The following TNRC6C variants were observed in gnomAD, a reference collection of about 807,000 sequenced individuals.
The protein encoded by TNRC6C is trinucleotide repeat containing adaptor 6C, also known as trinucleotide repeat-containing gene 6C protein.
TNRC6C carries 20 observed loss-of-function variants against 153.7 expected under a neutral mutation model. The observed-to-expected ratio is 0.13, with a 90% CI of 0.09 to 0.19. The LOEUF (loss-of-function observed/expected upper bound fraction) is 0.19, where lower values mean the gene tolerates loss of function less well. Ranked by LOEUF, TNRC6C falls within the 10% of genes least tolerant of loss-of-function variation. The probability of loss-of-function intolerance (pLI) is 1.00; values close to 1 mark genes in which losing one functional copy is unlikely to be tolerated. For synonymous variants in TNRC6C, 811 were observed against 841.4 expected (o/e 0.96, Z 0.63); for missense variants, 1,987 against 2,172.0 (o/e 0.91, Z 1.69).
At chr17:77,976,317 A>AG (rs1475863511) in intron 1 of TNRC6C, among the ~76,000 whole-genome samples, 1 of 152,216 alleles carries the variant, frequency 6.6e-6, no homozygotes, top group East Asian at 1.9e-4. Context: ...TGGGTGAGGG[A>AG]GGTTGTTTTG....
intron 1 of TNRC6C, among the ~76,000 whole-genome samples, chr17:78,024,227 A>G (rs2071890769): frequency 6.6e-6 from 1 of 152,334 alleles, no homozygotes; most frequent in East Asian, 1.9e-4. Flanking sequence ...ACAAGTGTCT[A>G]TGTATTGTGC....
chr17:77,960,074 G>A (rs1030621144), intron 1 of TNRC6C, among the ~76,000 whole-genome samples: 7 of 152,164 alleles, frequency 4.6e-5, no homozygotes, highest in African/African-American at 1.7e-4. Flanking sequence ...TAGGGGAGGA[G>A]GAGCCGCTAG....
At chr17:77,964,965 G>A (rs2070886016) in intron 1 of TNRC6C, among the ~76,000 whole-genome samples, 1 of 152,186 alleles carries the variant, frequency 6.6e-6, no homozygotes, top group Admixed American at 6.5e-5. Context: ...TTGAGTCACT[G>A]AGGACAATTG....
At chr17:78,094,967 C>G (rs72896206) in intron 16 of TNRC6C, among the ~76,000 whole-genome samples, 4,074 of 152,306 alleles carry the variant, frequency 0.027, 69 homozygotes, top group Non-Finnish European at 0.042. Flanking sequence ...TGGCAGAGGA[C>G]AGGTGAGGCG....
intron 1 of TNRC6C, among the ~76,000 whole-genome samples, chr17:77,976,406 G>A (rs2070997871): frequency 6.6e-6 from 1 of 152,188 alleles, no homozygotes; most frequent in Admixed American, 6.5e-5. Flanking sequence ...TATTCTTTGT[G>A]AAGACTATTA....
chr17:78,105,034 G>A (rs1004031050), exon 20 of TNRC6C: 41 of 549,348 alleles, frequency 7.5e-5, no homozygotes, highest in Non-Finnish European at 1.1e-4. Context: ...GTGGGTCAGC[G>A]TCACATGCTA....
rs2072496631 is a variant in TNRC6C, at chr17:78,050,240, C to A, written c.1178C>A (p.Thr393Asn). ...TGGGCCAAAGCGGCATCTTCTGGAA[C>A]TACAGCAAGTGAAGGAAGTAGTGAT... Residue 393 changes from threonine (T) to asparagine (N), a missense_variant, in exon 3 of 20, where the codon ACT becomes AAT. Transcript: ENST00000301624. The A allele has an allele frequency of 1.9e-6, 3 of 1,539,814 alleles. No individual in the cohort carries two copies. In the African/African-American group the frequency reaches 4.1e-5, roughly 21 times the overall value.
chr17:78,068,752 A>G (rs953351304), intron 5 of TNRC6C, among the ~76,000 whole-genome samples: 9 of 152,174 alleles, frequency 5.9e-5, no homozygotes, highest in Middle Eastern at 6.8e-3. Flanking sequence ...GTGAGCCAAG[A>G]TCGCCTCACT....
chr17:78,056,734 G>A (rs2144091410), intron 3 of TNRC6C, among the ~76,000 whole-genome samples: 1 of 152,138 alleles, frequency 6.6e-6, no homozygotes, highest in East Asian at 1.9e-4. Context: ...CAAAGTGCTG[G>A]AATTACAGGC....
intron 1 of TNRC6C, among the ~76,000 whole-genome samples, chr17:78,025,520 A>G (rs2071924516): frequency 6.6e-6 from 1 of 152,202 alleles, no homozygotes. Context: ...CCAGTTTTTG[A>G]CAATTATGAA....
At position 78,102,202 on chromosome 17, in the gene TNRC6C, C is replaced by G. The variant is rs558015170; in HGVS notation, c.4502-272C>G. ...CTCGGGCCTCATCACCCCCGTCTCT[C>G]CTGGCACAGATGGGAAAACACAGGC... On this transcript the variant is annotated intron_variant, in intron 17 of 19. Coordinates refer to ENST00000301624, the Ensembl canonical transcript of TNRC6C. Among the ~76,000 whole-genome samples, 3 of 152,300 alleles carry G rather than the reference C, an allele frequency of 2.0e-5. No homozygotes were observed. The East Asian group carries it at 5.8e-4, about 29-fold the overall frequency.
At chr17:78,014,686 G>A (rs1439220702) in intron 1 of TNRC6C, among the ~76,000 whole-genome samples, 1 of 150,494 alleles carries the variant, frequency 6.6e-6, no homozygotes, top group African/African-American at 2.5e-5. Flanking sequence ...ACTGTAATAT[G>A]CTAGAGTAGA....
At position 78,092,930 on chromosome 17, in the gene TNRC6C, T is replaced by A; in HGVS notation, c.3971-3T>A. On this transcript the variant is annotated splice_region_variant and splice_polypyrimidine_tract_variant and intron_variant, in intron 14 of 19. Transcript: ENST00000301624. ...GCTTCTTTGTTTCCTATTGTCCCCA[T>A]AGGTGCTATCCCTGGAGGTCTAAGC... The A allele has an allele frequency of 6.2e-7, 1 of 1,613,646 alleles. No individual in the cohort carries two copies.
chr17:77,994,506 T>C (rs543303478), intron 1 of TNRC6C, among the ~76,000 whole-genome samples: 49 of 152,212 alleles, frequency 3.2e-4, no homozygotes, highest in Non-Finnish European at 3.1e-4. Flanking sequence ...TCCTTTTAGT[T>C]CACAAAATTG....
intron 1 of TNRC6C, among the ~76,000 whole-genome samples, chr17:77,964,789 A>G (rs1415381988): frequency 6.6e-6 from 1 of 152,054 alleles, no homozygotes; most frequent in Non-Finnish European, 1.5e-5. Context: ...TTTTTCTCAT[A>G]CTCCATATGA....
At chr17:78,004,417 G>A (rs2071461056), upstream of TNRC6C, 1 of 979,254 alleles carries the variant, frequency 1.0e-6, no homozygotes, top group South Asian at 5.4e-5. Flanking sequence ...TATCCTACTG[G>A]TGAAATAAAT....
chr17:77,973,899 G>A (rs1282098805), intron 1 of TNRC6C, among the ~76,000 whole-genome samples: 3 of 152,094 alleles, frequency 2.0e-5, no homozygotes, highest in Non-Finnish European at 4.4e-5. Context: ...TTGTTAATCT[G>A]GCACTCTACC....
upstream of TNRC6C, among the ~76,000 whole-genome samples, chr17:77,957,565 C>A (rs1171812157): frequency 6.6e-6 from 1 of 152,208 alleles, no homozygotes; most frequent in African/African-American, 2.4e-5. Flanking sequence ...GTGTTATTAT[C>A]TCCTCTTCAA....
intron 18 of TNRC6C, among the ~76,000 whole-genome samples, chr17:78,103,013 C>T (rs1054290454): frequency 6.6e-6 from 1 of 152,140 alleles, no homozygotes; most frequent in African/African-American, 2.4e-5. Context: ...TTGGCCACAT[C>T]AGACTGTGGG....
Sources: gnomAD v4.1 joint callset for allele counts (sites outside exome capture counted in the v4.1 genomes callset) on GRCh38, gnomAD v4.1.1 for gene constraint, MANE v1.5 for transcripts, NCBI Gene and HGNC (gene_info 2026-07-23, HGNC 2026-07-21) for gene names.